The following ARID1B variants were observed in gnomAD, a reference collection of about 807,000 sequenced individuals.
ARID1B encodes the protein AT-rich interactive domain-containing protein 1B.
In ARID1B, 30 loss-of-function variants were observed where a neutral mutation model predicts 212.3. The ratio of observed to expected loss-of-function variants is 0.14; its 90% confidence interval spans 0.11 to 0.19. ARID1B has a LOEUF of 0.19. Ranked by LOEUF, ARID1B falls within the 10% of genes least tolerant of loss-of-function variation. The pLI, the probability that ARID1B is intolerant of heterozygous loss-of-function variation, is 1.00. For missense variants in ARID1B, 2,891 were observed against 3,204.0 expected (o/e 0.90, Z 2.36); for synonymous variants, 1,402 against 1,301.7 (o/e 1.08, Z -1.66).
intron 1 of ARID1B, among the ~76,000 whole-genome samples, chr6:156,816,372 T>C (rs1781964149): frequency 6.6e-6 from 1 of 152,232 alleles, no homozygotes; most frequent in Non-Finnish European, 1.5e-5. Context: ...AAAGATGCAC[T>C]TGGGTTTCTT....
chr6:156,920,799 C>G (rs960678920), intron 3 of ARID1B, among the ~76,000 whole-genome samples: 11 of 151,774 alleles, frequency 7.2e-5, no homozygotes, highest in Admixed American at 1.3e-4. Context: ...GCAGGGAAGG[C>G]CCTTTGGTAT....
intron 4 of ARID1B, among the ~76,000 whole-genome samples, chr6:157,034,572 C>G (rs921576281): frequency 2.0e-5 from 3 of 152,182 alleles, no homozygotes; most frequent in African/African-American, 7.2e-5. Context: ...AACAAAAAAG[C>G]TTAGCTGATT....
intron 6 of ARID1B, among the ~76,000 whole-genome samples, chr6:157,125,321 G>A (rs1030948636): frequency 1.3e-5 from 2 of 152,208 alleles, no homozygotes; most frequent in Admixed American, 6.5e-5. Flanking sequence ...GCAGGAAGTC[G>A]TCAATGCTGG....
At chr6:156,901,688 C>T in intron 3 of ARID1B, 163 bp downstream of exon 3, 2 of 899,070 alleles carry the variant, frequency 2.2e-6, no homozygotes, top group Non-Finnish European at 3.3e-6. Context: ...ATCTCTCCCT[C>T]CGTCTTTTCC....
intron 4 of ARID1B, chr6:156,941,301 C>G (rs935991056): frequency 6.6e-6 from 1 of 152,164 alleles, no homozygotes; most frequent in Non-Finnish European, 1.5e-5. Context: ...TGCCCTGTCC[C>G]CCAGAACAGC....
chr6:156,999,440 C>CT (rs946481164), intron 4 of ARID1B, among the ~76,000 whole-genome samples: 12 of 152,308 alleles, frequency 7.9e-5, no homozygotes, highest in African/African-American at 2.4e-4. Flanking sequence ...GACCCTGGCA[C>CT]TTAAAGGCCC....
intron 2 of ARID1B, among the ~76,000 whole-genome samples, chr6:156,899,688 T>A (rs1788767669): frequency 6.6e-6 from 1 of 152,058 alleles, no homozygotes; most frequent in Non-Finnish European, 1.5e-5. Context: ...GCTGCTCTAG[T>A]GTTAGTAGGT....
intron 1 of ARID1B, among the ~76,000 whole-genome samples, chr6:156,807,946 G>A (rs971428324): frequency 2.6e-5 from 4 of 152,200 alleles, no homozygotes; most frequent in East Asian, 1.9e-4. Context: ...TGAGTCCTGC[G>A]TGACTTCCTT....
rs1778870476 is a variant in ARID1B, at chr6:156,778,601, G to A, written c.921G>A (p.Pro307=). Residue 307 remains proline, a synonymous_variant, in exon 1 of 20, where the codon CCG becomes CCA. Coordinates refer to ENST00000636930, the MANE Select transcript of ARID1B (RefSeq NM_001374828.1). ...PVAVPGGGGG[P]AAVPEFNNYY... Reference sequence around the variant, plus strand: ...CCGTGCCCGGGGGCGGCGGCGGCCCGGCGGCCGTCCCGGAGTTTAATAATT... The same window carrying A: ...CCGTGCCCGGGGGCGGCGGCGGCCCAGCGGCCGTCCCGGAGTTTAATAATT... 9.5e-6 allele frequency: 12 copies of A among 1,268,668 alleles called. No individual in the cohort carries two copies. Among genetic ancestry groups the A allele is most frequent in the Non-Finnish European group, 1.1e-5 (11 of 1,006,998 alleles). 78.6% of individuals were successfully genotyped at this position (1,268,668 alleles called of 1,614,324 possible). A position where few individuals can be genotyped will look rare whatever the true frequency, so the allele number is the denominator to read the frequency against.
chr6:157,033,486 T>C (rs1781136170), intron 4 of ARID1B, among the ~76,000 whole-genome samples: 2 of 152,228 alleles, frequency 1.3e-5, no homozygotes, highest in Admixed American at 6.5e-5. Context: ...GTGCTTTACA[T>C]TGTGAACATA....
chr6:156,985,435 T>G (rs1043831835), intron 4 of ARID1B: 1 of 152,240 alleles, frequency 6.6e-6, no homozygotes, highest in African/African-American at 2.4e-5. Flanking sequence ...GAAGTAAAAG[T>G]AAATCTTTAA....
At chr6:157,181,263 T>C in intron 12 of ARID1B, 85 bp downstream of exon 12, 1 of 1,486,876 alleles carries the variant, frequency 6.7e-7, no homozygotes, top group Non-Finnish European at 9.2e-7. Flanking sequence ...GTGGACTCAT[T>C]TTTTTTCTCA....
chr6:156,927,651 A>G (rs894094224), intron 3 of ARID1B, among the ~76,000 whole-genome samples: 1 of 152,246 alleles, frequency 6.6e-6, no homozygotes, highest in Non-Finnish European at 1.5e-5. Context: ...TCTGTAGCAC[A>G]TTTACCAGGC....
intron 5 of ARID1B, among the ~76,000 whole-genome samples, chr6:157,099,846 C>T (rs186729279): frequency 4.6e-5 from 7 of 152,080 alleles, no homozygotes; most frequent in Non-Finnish European, 8.8e-5. Flanking sequence ...GTGAACGGTG[C>T]GTGGGAGCTG....
intron 5 of ARID1B, chr6:157,107,954 G>A (rs981892322): frequency 3.9e-5 from 6 of 152,166 alleles, no homozygotes; most frequent in African/African-American, 1.4e-4. Flanking sequence ...TGAGTCTTCT[G>A]TTATCACTTT....
chr6:156,972,027 A>C (rs181751065), intron 4 of ARID1B, among the ~76,000 whole-genome samples: 34 of 152,270 alleles, frequency 2.2e-4, no homozygotes, highest in African/African-American at 8.2e-4. Context: ...TTCTGCCTAC[A>C]CACAGAGTGA....
At chr6:157,127,002 A>C (rs1415890708) in intron 6 of ARID1B, among the ~76,000 whole-genome samples, 1 of 152,268 alleles carries the variant, frequency 6.6e-6, no homozygotes, top group African/African-American at 2.4e-5. Context: ...CACCATAAAT[A>C]GGAAGAAAAG....
intron 4 of ARID1B, among the ~76,000 whole-genome samples, chr6:156,961,237 A>G (rs1047919539): frequency 1.3e-5 from 2 of 152,204 alleles, no homozygotes; most frequent in Non-Finnish European, 2.9e-5. Flanking sequence ...ATGGAAACCA[A>G]TCCTGCAACA....
In ARID1B at chr6:157,200,800, G is replaced by A. The variant is rs139512931; in HGVS notation, c.4575G>A (p.Glu1525=). Residue 1525 remains glutamate, a synonymous_variant, in exon 18 of 20, where the codon GAG becomes GAA. Transcript: ENST00000636930. The surrounding 1 kb of genome is among the most constrained non-coding windows in gnomAD (Gnocchi z 4.3). ...YNMQYSSQQQ[E]MYNQYGGSYS... ...TGCAGTACAGCAGCCAGCAGCAGGA[G>A]ATGTACAACCAGTATGGAGGCTCCT... The A allele has an allele frequency of 1.5e-4, 240 of 1,614,030 alleles. 1 individual carries two copies. Among genetic ancestry groups the A allele is most frequent in the Non-Finnish European group, 1.4e-4 (170 of 1,180,038 alleles).
Sources: allele counts gnomAD v4.1 joint callset (sites outside exome capture counted in the v4.1 genomes callset), GRCh38; gene constraint gnomAD v4.1.1; non-coding constraint Gnocchi (gnomAD v3.1); transcripts MANE v1.5; gene names NCBI Gene and HGNC (gene_info 2026-07-23, HGNC 2026-07-21).